LRRC4C: variants seen among roughly 807,000 people sequenced by gnomAD.
LRRC4C encodes the protein leucine-rich repeat-containing protein 4C.
In LRRC4C, 5 loss-of-function variants were observed where a neutral mutation model predicts 33.6. That is an observed-to-expected ratio of 0.15 (90% confidence interval 0.08 to 0.31). The LOEUF (loss-of-function observed/expected upper bound fraction) is 0.31. LRRC4C is among the 10% of genes least tolerant of loss of function. LRRC4C has a pLI of 1.00. For missense variants in LRRC4C, 560 were observed against 796.7 expected, an observed-to-expected ratio of 0.70 and a Z score of 3.58; for synonymous variants, 329 against 302.0, an observed-to-expected ratio of 1.09 and a Z score of -0.93.
At chr11:40,275,078 A>G (rs911885458) in intron 4 of LRRC4C, among the ~76,000 whole-genome samples, 3 of 152,200 alleles carry the variant, frequency 2.0e-5, no homozygotes, top group African/African-American at 4.8e-5. Flanking sequence ...AATTTAAAAA[A>G]TACCTTCTAC....
intron 1 of LRRC4C, among the ~76,000 whole-genome samples, chr11:41,303,460 G>T (rs958113885): frequency 7.6e-6 from 1 of 132,328 alleles, no homozygotes; most frequent in Non-Finnish European, 1.6e-5. Context: ...CCAGCCGCCT[G>T]CCTTGGCCTC....
chr11:40,542,052 C>CTCTTTCTTTCTTTCTTTCTTTCTTTCTT (rs77820700), intron 3 of LRRC4C, among the ~76,000 whole-genome samples: 11 of 149,260 alleles, frequency 7.4e-5, no homozygotes, highest in Non-Finnish European at 1.5e-4. Flanking sequence ...TTCTCTTTCT[C>CTCTTTCTTTCTTTCTTTCTTTCTTTCTT]TCTTTCTTTC....
At chr11:40,124,964 A>T (rs1402225399) in intron 6 of LRRC4C, among the ~76,000 whole-genome samples, 1 of 150,560 alleles carries the variant, frequency 6.6e-6, no homozygotes, top group African/African-American at 2.4e-5. Context: ...AACTTTTTAA[A>T]AAAAGAATAT....
chr11:41,182,985 G>T (rs1002671545), intron 1 of LRRC4C, among the ~76,000 whole-genome samples: 1 of 152,016 alleles, frequency 6.6e-6, no homozygotes, highest in African/African-American at 2.4e-5. Flanking sequence ...ATTGTGCAGG[G>T]AAACTCCCAT....
At chr11:40,499,997 T>C (rs1398239550) in intron 3 of LRRC4C, among the ~76,000 whole-genome samples, 1 of 152,004 alleles carries the variant, frequency 6.6e-6, no homozygotes. Context: ...TCTGTTCCTG[T>C]CCCAGCTTCC....
chr11:40,623,933 T>A (rs1962695929), intron 3 of LRRC4C, among the ~76,000 whole-genome samples: 1 of 152,124 alleles, frequency 6.6e-6, no homozygotes, highest in African/African-American at 2.4e-5. Context: ...AAATAGTAAA[T>A]AATTTCATGA....
chr11:41,160,278 A>G (rs1292430375), intron 1 of LRRC4C, among the ~76,000 whole-genome samples: 2 of 152,064 alleles, frequency 1.3e-5, no homozygotes, highest in Non-Finnish European at 2.9e-5. Context: ...CTGAGATAAG[A>G]AAATGACTTC....
chr11:41,220,706 T>A (rs934767146), intron 1 of LRRC4C, among the ~76,000 whole-genome samples: 2 of 152,172 alleles, frequency 1.3e-5, no homozygotes, highest in Non-Finnish European at 2.9e-5. Context: ...ATTTATCTAA[T>A]TTAATAAACA....
intron 3 of LRRC4C, among the ~76,000 whole-genome samples, chr11:40,578,668 C>G (rs1274556824): frequency 1.3e-5 from 2 of 152,072 alleles, no homozygotes; most frequent in African/African-American, 2.4e-5. Flanking sequence ...GAACACAGAC[C>G]ATTAAACACC....
chr11:40,866,927 A>G (rs532346427), intron 2 of LRRC4C, among the ~76,000 whole-genome samples: 1 of 151,876 alleles, frequency 6.6e-6, no homozygotes, highest in African/African-American at 2.4e-5. Context: ...ATTCTTTTCC[A>G]TTATATTTGC....
chr11:41,078,620 C>T (rs909249238), intron 1 of LRRC4C, among the ~76,000 whole-genome samples: 14 of 152,068 alleles, frequency 9.2e-5, no homozygotes, highest in African/African-American at 3.1e-4. Flanking sequence ...TGAGAACTCA[C>T]TCATTAAGAG....
chr11:40,202,316 T>C (rs966320750), intron 5 of LRRC4C, among the ~76,000 whole-genome samples: 4 of 151,432 alleles, frequency 2.6e-5, no homozygotes, highest in Admixed American at 1.3e-4. Flanking sequence ...TTTTTTTTAA[T>C]AGCTGATTAA....
At chr11:40,163,425 G>C (rs186013674) in intron 5 of LRRC4C, among the ~76,000 whole-genome samples, 1 of 152,108 alleles carries the variant, frequency 6.6e-6, no homozygotes, top group African/African-American at 2.4e-5. Flanking sequence ...AGGAATCACC[G>C]GGTTGCAAAA....
chr11:40,463,701 A>G (rs1952517580), intron 3 of LRRC4C, among the ~76,000 whole-genome samples: 1 of 152,124 alleles, frequency 6.6e-6, no homozygotes, highest in South Asian at 2.1e-4. Flanking sequence ...ACAAAGAGTT[A>G]CTTGTTCAAA....
chr11:41,085,967 A>C (rs1590501736), intron 1 of LRRC4C, among the ~76,000 whole-genome samples: 1 of 151,408 alleles, frequency 6.6e-6, no homozygotes, highest in East Asian at 1.9e-4. Context: ...GAAAAGAAAA[A>C]AACTGAATCC....
intron 1 of LRRC4C, among the ~76,000 whole-genome samples, chr11:41,191,241 G>A (rs1056997897): frequency 6.6e-6 from 1 of 152,144 alleles, no homozygotes; most frequent in African/African-American, 2.4e-5. Flanking sequence ...ACTTTGCCTG[G>A]AATTTTCTGT....
chr11:41,066,469 T>C (rs968751830), intron 1 of LRRC4C, among the ~76,000 whole-genome samples: 6 of 151,864 alleles, frequency 4.0e-5, no homozygotes, highest in African/African-American at 1.5e-4. Flanking sequence ...ATGGGGAGAA[T>C]GGAACCAAGT....
intron 1 of LRRC4C, among the ~76,000 whole-genome samples, chr11:41,366,826 G>T (rs901933536): frequency 3.3e-5 from 5 of 152,094 alleles, no homozygotes; most frequent in Admixed American, 2.0e-4. Flanking sequence ...AGAAAGGATT[G>T]ATCTCAGACT....
At chr11:41,221,539 C>T (rs952658100) in intron 1 of LRRC4C, among the ~76,000 whole-genome samples, 2 of 152,068 alleles carry the variant, frequency 1.3e-5, no homozygotes, top group African/African-American at 2.4e-5. Flanking sequence ...ACCCAGCAAT[C>T]CCATTACTAG....
Sources: gnomAD v4.1 joint callset for allele counts (sites outside exome capture counted in the v4.1 genomes callset) on GRCh38, gnomAD v4.1.1 for gene constraint, MANE v1.5 for transcripts, NCBI Gene and HGNC (gene_info 2026-07-23, HGNC 2026-07-21) for gene names.